Variants in PALS2 observed in about 807,000 individuals in gnomAD.
PALS2 encodes the protein protein PALS2.
A neutral mutation model predicts 61.6 loss-of-function variants in PALS2; 27 were observed. The ratio of observed to expected loss-of-function variants is 0.44; its 90% confidence interval spans 0.32 to 0.60. The LOEUF is 0.60. Among genes scored for constraint, PALS2 ranks in the 20% least tolerant of loss-of-function variants. PALS2 has a pLI of 0.05. For missense variants in PALS2, 554 were observed against 639.4 expected (o/e 0.87, Z 1.44); for synonymous variants, 236 against 218.6 (o/e 1.08, Z -0.70).
At chr7:24,612,552 G>T (rs1051997919) in intron 1 of PALS2, among the ~76,000 whole-genome samples, 14 of 151,674 alleles carry the variant, frequency 9.2e-5, no homozygotes, top group Non-Finnish European at 1.8e-4. Flanking sequence ...TCTTACCTCA[G>T]AACACGGCTT....
intron 2 of PALS2, among the ~76,000 whole-genome samples, chr7:24,636,370 A>T (rs967658724): frequency 3.9e-5 from 6 of 152,138 alleles, no homozygotes; most frequent in Non-Finnish European, 5.9e-5. Flanking sequence ...ATCTCTGCCA[A>T]TCTGATAAAG....
chr7:24,658,486 C>T (rs1423704752), intron 5 of PALS2, among the ~76,000 whole-genome samples: 1 of 151,930 alleles, frequency 6.6e-6, no homozygotes, highest in Non-Finnish European at 1.5e-5. Context: ...TGATTGGCTG[C>T]CAGGCATCAA....
intron 1 of PALS2, among the ~76,000 whole-genome samples, chr7:24,621,282 T>G (rs1784503016): frequency 6.6e-6 from 1 of 152,044 alleles, no homozygotes; most frequent in African/African-American, 2.4e-5. Flanking sequence ...GATGAACCTG[T>G]CCAAGTTAAC....
chr7:24,601,290 C>T (rs1479891749), intron 1 of PALS2, among the ~76,000 whole-genome samples: 1 of 152,048 alleles, frequency 6.6e-6, no homozygotes, highest in Non-Finnish European at 1.5e-5. Context: ...ATTCTCTATT[C>T]CTGTATTTTC....
intron 2 of PALS2, among the ~76,000 whole-genome samples, chr7:24,632,024 C>T (rs942339613): frequency 6.6e-6 from 1 of 152,130 alleles, no homozygotes; most frequent in Non-Finnish European, 1.5e-5. Context: ...CTGAGCTATG[C>T]CTGTACAGCT....
At chr7:24,637,658 T>C (rs1035590737) in intron 2 of PALS2, among the ~76,000 whole-genome samples, 1 of 152,230 alleles carries the variant, frequency 6.6e-6, no homozygotes, top group Non-Finnish European at 1.5e-5. Context: ...AATATGATTG[T>C]TATTAGAAAA....
chr7:24,603,646 T>C (rs1412779661), intron 1 of PALS2, among the ~76,000 whole-genome samples: 1 of 152,204 alleles, frequency 6.6e-6, no homozygotes, highest in Non-Finnish European at 1.5e-5. Context: ...TGCTGATTTG[T>C]CCACAACATT....
chr7:24,614,166 C>T (rs937213947), intron 1 of PALS2, among the ~76,000 whole-genome samples: 1 of 151,860 alleles, frequency 6.6e-6, no homozygotes, highest in African/African-American at 2.4e-5. Flanking sequence ...AATCTCCCTA[C>T]TGTCCTCCAT....
chr7:24,620,877 C>T (rs1784474285), intron 1 of PALS2, among the ~76,000 whole-genome samples: 1 of 152,008 alleles, frequency 6.6e-6, no homozygotes. Context: ...CCATGAGTTG[C>T]TAATTGTTGG....
chr7:24,609,607 C>G (rs986041093), intron 1 of PALS2, among the ~76,000 whole-genome samples: 6 of 152,038 alleles, frequency 3.9e-5, no homozygotes, highest in Admixed American at 3.9e-4. Context: ...TTGAAAAACC[C>G]TGCTTTAGTG....
chr7:24,595,750 CTG>C (rs1315503829), intron 1 of PALS2, among the ~76,000 whole-genome samples: 1 of 150,610 alleles, frequency 6.6e-6, no homozygotes, highest in Non-Finnish European at 1.5e-5. Context: ...AGTGACAAGA[CTG>C]TATGTAAGGG....
intron 9 of PALS2, among the ~76,000 whole-genome samples, chr7:24,677,092 A>G (rs1787652046): frequency 6.6e-6 from 1 of 151,608 alleles, no homozygotes; most frequent in African/African-American, 2.4e-5. Context: ...GGTCCTTCAC[A>G]TCCCTTGTAA....
intron 1 of PALS2, among the ~76,000 whole-genome samples, chr7:24,585,721 C>T (rs372595942): frequency 1.5e-4 from 23 of 152,024 alleles, no homozygotes; most frequent in African/African-American, 3.1e-4. Flanking sequence ...TTTTTTGAGA[C>T]GGAGTCTCAC....
chr7:24,687,343 T>C lies in PALS2; in HGVS notation c.1447-95T>C, dbSNP rs559979663. On this transcript the variant is annotated intron_variant, in intron 11 of 11. Coordinates refer to ENST00000222644, the MANE Select transcript of PALS2 (RefSeq NM_001303037.2). The surrounding 1 kb of genome is among the most constrained non-coding windows in gnomAD (Gnocchi z 4.5). The stretch of plus-strand genomic sequence containing the variant: ...ATTAATACCAGAATTACCAGAAATA[T>C]ATCTAACCTATTTATTATATTCACT... The C allele has an allele frequency of 6.4e-6, 6 of 932,354 alleles. No individual in the cohort carries two copies. The East Asian group carries it at 1.0e-4, about 16-fold the overall frequency. 57.8% of individuals were successfully genotyped at this position (932,354 alleles called of 1,614,324 possible).
chr7:24,672,788 G>T (rs1787366077), intron 9 of PALS2, among the ~76,000 whole-genome samples: 1 of 152,082 alleles, frequency 6.6e-6, no homozygotes, highest in Non-Finnish European at 1.5e-5. Flanking sequence ...TTCTAATGAT[G>T]ATTTTTTTGT....
rs114026139 is a variant in PALS2, at chr7:24,642,720, T to A, written c.270+852T>A. Among the ~76,000 whole-genome samples, 793 of 152,272 alleles carry A rather than the reference T, an allele frequency of 5.2e-3. 7 individuals carry two copies. Among genetic ancestry groups the A allele is most frequent in the African/African-American group, 0.017 (725 of 41,572 alleles). On this transcript the variant is annotated intron_variant, in intron 3 of 11. Transcript: ENST00000222644. ...TCTTCAACAATGTTACTGCAAAATA[T>A]GAAGGTTTATAGTGAGATGGTTCCG...
intron 8 of PALS2, among the ~76,000 whole-genome samples, chr7:24,666,685 C>T (rs1787034875): frequency 6.6e-6 from 1 of 152,174 alleles, no homozygotes; most frequent in Non-Finnish European, 1.5e-5. Flanking sequence ...ATGAAAACAT[C>T]AAGTTGTACA....
intron 5 of PALS2, among the ~76,000 whole-genome samples, chr7:24,662,859 A>G (rs1310393406): frequency 6.6e-6 from 1 of 152,060 alleles, no homozygotes; most frequent in East Asian, 1.9e-4. Context: ...GCATAATTTA[A>G]TTAGAATTTA....
At chr7:24,653,385 T>C (rs1433521885) in intron 5 of PALS2, among the ~76,000 whole-genome samples, 1 of 96,982 alleles carries the variant, frequency 1.0e-5, no homozygotes, top group Non-Finnish European at 1.8e-5. Flanking sequence ...AAAGCCTTAA[T>C]TTTATTACAA....
Sources: gnomAD v4.1 joint callset for allele counts (sites outside exome capture counted in the v4.1 genomes callset) on GRCh38, gnomAD v4.1.1 for gene constraint, Gnocchi (gnomAD v3.1) non-coding constraint, MANE v1.5 for transcripts, NCBI Gene and HGNC (gene_info 2026-07-23, HGNC 2026-07-21) for gene names.